Variants in KCNQ1 observed in about 807,000 individuals in gnomAD.
KCNQ1 encodes the protein potassium voltage-gated channel subfamily KQT member 1.
Under a neutral mutation model 72.4 loss-of-function variants are expected in KCNQ1, and 49 were observed. That is an observed-to-expected ratio of 0.68 (90% CI 0.54 to 0.86). The LOEUF is 0.86. KCNQ1 is among the 40% of genes least tolerant of loss of function. The pLI, the probability that KCNQ1 is intolerant of heterozygous loss-of-function variation, is 0.00. For missense variants in KCNQ1, 790 were observed against 945.1 expected (o/e 0.84, Z 2.15); for synonymous variants, 450 against 412.6 (o/e 1.09, Z -1.10).
chr11:2,713,199 G>A lies in KCNQ1; in HGVS notation c.1514+51118G>A, dbSNP rs1035026278. 1.3e-5 allele frequency among the ~76,000 whole-genome samples: 2 copies of A among 152,136 alleles called. No individual in the cohort carries two copies. The highest frequency in any genetic ancestry group is 4.8e-5 in the African/African-American group (2 of 41,428). The stretch of plus-strand genomic sequence containing the variant: ...GTGGCTTCCGTGGACTGAGCAGCCT[G>A]GAGCCCCTACTTGCTTGGTGTCCCG... On this transcript the variant is annotated intron_variant, in intron 11 of 15. Coordinates refer to ENST00000155840, the MANE Select transcript of KCNQ1 (RefSeq NM_000218.3). This position sits in a 1 kb window ranked among gnomAD's most constrained non-coding sequence, Gnocchi z 5.6.
At position 2,768,759 on chromosome 11, in the gene KCNQ1, G is replaced by T; in HGVS notation, c.1515-85G>T. On this transcript the variant is annotated intron_variant, in intron 11 of 15. Transcript: ENST00000155840. This position sits in a 1 kb window ranked among gnomAD's most constrained non-coding sequence, Gnocchi z 6.7. ...TTGTTTCTGGAAGGATCCAGTCTGC[G>T]TGCTCCTCAGGCAGTGCAGGGGCAG... is the stretch of plus-strand genomic sequence containing the variant. 2.0e-6 allele frequency: 2 copies of T among 998,422 alleles called. No homozygotes were observed. The highest frequency in any genetic ancestry group is 1.3e-5 in the South Asian group (1 of 78,080). The allele number at this position is 998,422 out of a possible 1,614,324, so 61.8% of individuals were successfully genotyped here. A position where few individuals can be genotyped will look rare whatever the true frequency, so the allele number is the denominator to read the frequency against.
At chr11:2,512,546 C>A (rs1158558815) in intron 1 of KCNQ1, among the ~76,000 whole-genome samples, 1 of 152,228 alleles carries the variant, frequency 6.6e-6, no homozygotes, top group Admixed American at 6.5e-5. Context: ...ATGGGGCCAG[C>A]AGGGTGTGAG....
intron 15 of KCNQ1, among the ~76,000 whole-genome samples, chr11:2,846,069 G>A (rs1407392751): frequency 9.2e-5 from 14 of 152,054 alleles, no homozygotes; most frequent in South Asian, 6.2e-4. Context: ...TGTCTCACCC[G>A]CACAGAACCC....
chr11:2,577,570 TG>T (rs1476743756), intron 6 of KCNQ1, among the ~76,000 whole-genome samples: 1 of 152,202 alleles, frequency 6.6e-6, no homozygotes, highest in East Asian at 1.9e-4. Flanking sequence ...CGGGGAGGCC[TG>T]GCCCTCGTGA....
At chr11:2,806,044 T>C (rs866236056) in intron 15 of KCNQ1, among the ~76,000 whole-genome samples, 1 of 152,164 alleles carries the variant, frequency 6.6e-6, no homozygotes, top group South Asian at 2.1e-4. Context: ...CTTTCAGTCA[T>C]CCCTCAGTGA....
rs532468245 is a variant in KCNQ1 at position 2,526,043 on chromosome 11, C to A, written c.387-1885C>A. On this transcript the variant is annotated intron_variant, in intron 1 of 15. Coordinates refer to ENST00000155840, the MANE Select transcript of KCNQ1 (RefSeq NM_000218.3). The surrounding 1 kb of genome is among the most constrained non-coding windows in gnomAD (Gnocchi z 6.1). ...TGGCCTCTGCCTATGAGACAGGGCC[C>A]GCTGGCAGGACCCTCAAGCTGGGCT... 6.6e-6 allele frequency among the ~76,000 whole-genome samples: 1 copy of A among 152,150 alleles called. No homozygotes were observed. The highest frequency in any genetic ancestry group is 1.5e-5 in the Non-Finnish European group (1 of 68,028).
intron 11 of KCNQ1, among the ~76,000 whole-genome samples, chr11:2,744,008 G>A (rs1030734567): frequency 3.9e-5 from 6 of 152,184 alleles, no homozygotes; most frequent in African/African-American, 9.7e-5. Context: ...CAGGTCTCTC[G>A]TGGGCTCTCA....
intron 2 of KCNQ1, among the ~76,000 whole-genome samples, chr11:2,554,518 C>G (rs1008616809): frequency 2.6e-5 from 4 of 152,178 alleles, no homozygotes; most frequent in African/African-American, 9.7e-5. Flanking sequence ...CAGGGGGACC[C>G]TCCTCAGTGC....
At chr11:2,700,806 C>G (rs1265635294) in intron 11 of KCNQ1, among the ~76,000 whole-genome samples, 1 of 152,084 alleles carries the variant, frequency 6.6e-6, no homozygotes. Context: ...GACACTTGAC[C>G]GCGTCTGCCG....
At chr11:2,685,272 G>A (rs1850466126) in intron 11 of KCNQ1, 1 of 398,566 alleles carries the variant, frequency 2.5e-6, no homozygotes, top group African/African-American at 2.1e-5. Context: ...ACGTGCCACT[G>A]TGTCTTGCCC....
rs1236132530 is a variant in KCNQ1, at chr11:2,781,721, A to T, written c.1794+3684A>T. Among the ~76,000 whole-genome samples, 1 of 152,164 alleles carries T rather than the reference A, an allele frequency of 6.6e-6. No individual in the cohort carries two copies. Among genetic ancestry groups the T allele is most frequent in the Non-Finnish European group, 1.5e-5 (1 of 68,032 alleles). ...TGTTTATTTTGCAAGCTAAGCTCAT[A>T]CTGCTTTTGCTGATATGAGGAGCAC... On this transcript the variant is annotated intron_variant, in intron 15 of 15. Transcript: ENST00000155840. The surrounding 1 kb of genome is among the most constrained non-coding windows in gnomAD (Gnocchi z 6.6).
intron 11 of KCNQ1, chr11:2,688,110 G>A (rs1850522925): frequency 2.5e-6 from 1 of 398,928 alleles, no homozygotes. Context: ...AGGGGACCTG[G>A]TGGGGGTGGG....
rs1564887939 is a variant in KCNQ1, at chr11:2,772,729, C to T, written c.1591-3231C>T. Among the ~76,000 whole-genome samples, 1 of 152,198 alleles carries T rather than the reference C, an allele frequency of 6.6e-6. No individual in the cohort carries two copies. The highest frequency in any genetic ancestry group is 1.5e-5 in the Non-Finnish European group (1 of 68,022). On this transcript the variant is annotated intron_variant, in intron 12 of 15. Coordinates refer to ENST00000155840, the MANE Select transcript of KCNQ1 (RefSeq NM_000218.3). This position sits in a 1 kb window ranked among gnomAD's most constrained non-coding sequence, Gnocchi z 6.6. ...CACACACTCAGGTACATAATACTTC[C>T]TTGCCCACAACAGGCCTGTTTGGAA... is the stretch of plus-strand genomic sequence containing the variant.
intron 15 of KCNQ1, among the ~76,000 whole-genome samples, chr11:2,802,803 C>T (rs1847294403): frequency 6.6e-6 from 1 of 152,232 alleles, no homozygotes; most frequent in African/African-American, 2.4e-5. Context: ...CTTCACCTCA[C>T]AGTCCCGGAA....
In KCNQ1 at chr11:2,724,139, G is replaced by A. The variant is rs538139026; in HGVS notation, c.1515-44705G>A. 1.1e-4 allele frequency among the ~76,000 whole-genome samples: 16 copies of A among 152,258 alleles called. No homozygotes were observed. The South Asian group carries it at 1.9e-3, about 18-fold the overall frequency. On this transcript the variant is annotated intron_variant, in intron 11 of 15. Coordinates refer to ENST00000155840, the MANE Select transcript of KCNQ1 (RefSeq NM_000218.3). The surrounding 1 kb of genome is among the most constrained non-coding windows in gnomAD (Gnocchi z 6.8). Reference sequence around the variant, plus strand: ...TGGACCAGGACGTTCTGGTAAGATCGCCAGGGGGCCGCGACAAGGAGACCA... The same window carrying A: ...TGGACCAGGACGTTCTGGTAAGATCACCAGGGGGCCGCGACAAGGAGACCA...
chr11:2,470,710 G>T (rs4350347), intron 1 of KCNQ1, among the ~76,000 whole-genome samples: 12,766 of 148,140 alleles, frequency 0.086, 705 homozygotes, highest in East Asian at 0.22. Context: ...TAGGTGGGGG[G>T]GGGGGTGCTT....
intron 2 of KCNQ1, among the ~76,000 whole-genome samples, chr11:2,554,293 G>T (rs1438720575): frequency 6.6e-6 from 1 of 152,246 alleles, no homozygotes; most frequent in Non-Finnish European, 1.5e-5. Flanking sequence ...TCTTTGTGGA[G>T]AAGTTTGCCA....
In KCNQ1 at chr11:2,481,707, A is replaced by C. The variant is rs548704236; in HGVS notation, c.386+36223A>C. On this transcript the variant is annotated intron_variant, in intron 1 of 15. Coordinates refer to ENST00000155840, the MANE Select transcript of KCNQ1 (RefSeq NM_000218.3). This position sits in a 1 kb window ranked among gnomAD's most constrained non-coding sequence, Gnocchi z 4.6. ...AGGGGTGTGTACCCTGTTGCAAACTATGCATGTGAGGGATCTAGGTTGCCT... is the reference window on the plus strand; with the variant it reads ...AGGGGTGTGTACCCTGTTGCAAACTCTGCATGTGAGGGATCTAGGTTGCCT... Among the ~76,000 whole-genome samples the C allele has an allele frequency of 2.3e-3, 345 of 152,348 alleles. 1 individual carries two copies. Among genetic ancestry groups the C allele is most frequent in the African/African-American group, 7.9e-3 (330 of 41,582 alleles).
intron 1 of KCNQ1, among the ~76,000 whole-genome samples, chr11:2,522,834 C>T (rs1317651669): frequency 6.6e-6 from 1 of 152,228 alleles, no homozygotes; most frequent in Non-Finnish European, 1.5e-5. Flanking sequence ...CTGCACGGGA[C>T]TTTCCCAGGC....
Sources: allele counts gnomAD v4.1 joint callset (sites outside exome capture counted in the v4.1 genomes callset), GRCh38; gene constraint gnomAD v4.1.1; non-coding constraint Gnocchi (gnomAD v3.1); transcripts MANE v1.5; gene names NCBI Gene and HGNC (gene_info 2026-07-23, HGNC 2026-07-21).